Variants in NUP88 observed in about 807,000 individuals in gnomAD.
The protein encoded by NUP88 is nucleoporin 88.
A neutral mutation model predicts 93.9 loss-of-function variants in NUP88; 57 were observed. That is an observed-to-expected ratio of 0.61 (90% CI 0.49 to 0.76). The LOEUF is 0.76. NUP88 is among the 30% of genes least tolerant of loss of function. The probability of loss-of-function intolerance (pLI) is 0.00; values close to 1 mark genes in which losing one functional copy is unlikely to be tolerated. For missense variants in NUP88, 911 were observed against 901.0 expected (o/e 1.01, Z -0.14); for synonymous variants, 346 against 336.8 (o/e 1.03, Z -0.30).
chr17:5,399,897 A>G (rs1255327919), intron 7 of NUP88, among the ~76,000 whole-genome samples: 1 of 152,204 alleles, frequency 6.6e-6, no homozygotes, highest in Non-Finnish European at 1.5e-5. Context: ...AATAAAGCGA[A>G]TACAGAAATA....
intron 7 of NUP88, among the ~76,000 whole-genome samples, chr17:5,403,215 C>T (rs555716075): frequency 9.9e-5 from 15 of 152,096 alleles, no homozygotes; most frequent in East Asian, 3.9e-4. Flanking sequence ...TAGTGGCTCA[C>T]GCCTGGAATC....
At chr17:5,397,132 G>A (rs1233397543) in intron 8 of NUP88, among the ~76,000 whole-genome samples, 1 of 152,064 alleles carries the variant, frequency 6.6e-6, no homozygotes, top group Non-Finnish European at 1.5e-5. Flanking sequence ...TTGAGCCCAC[G>A]AGTTTGAGAC....
At chr17:5,412,077 A>T (rs1913873611) in intron 3 of NUP88, among the ~76,000 whole-genome samples, 1 of 152,240 alleles carries the variant, frequency 6.6e-6, no homozygotes, top group Non-Finnish European at 1.5e-5. Context: ...TTAGGAAAAC[A>T]GAAGTGTTAA....
chr17:5,417,338 A>G (rs1248299558), intron 1 of NUP88, among the ~76,000 whole-genome samples: 1 of 152,176 alleles, frequency 6.6e-6, no homozygotes, highest in Non-Finnish European at 1.5e-5. Context: ...GTGGTGGCAC[A>G]TGCCTGTAGT....
chr17:5,401,347 A>G (rs903147809), intron 7 of NUP88, among the ~76,000 whole-genome samples: 1 of 151,954 alleles, frequency 6.6e-6, no homozygotes, highest in African/African-American at 2.4e-5. Context: ...GTACCACTGC[A>G]CTCCAGCCTG....
chr17:5,402,685 G>C (rs1913243429), intron 7 of NUP88, among the ~76,000 whole-genome samples: 1 of 152,134 alleles, frequency 6.6e-6, no homozygotes, highest in South Asian at 2.1e-4. Flanking sequence ...ATGTTGCAGT[G>C]AATGACACGA....
intron 10 of NUP88, among the ~76,000 whole-genome samples, chr17:5,389,959 A>T (rs1160523276): frequency 6.6e-6 from 1 of 151,856 alleles, no homozygotes; most frequent in African/African-American, 2.4e-5. Context: ...TGAGGTCAGG[A>T]GTTCAGGACC....
intron 1 of NUP88, among the ~76,000 whole-genome samples, 182 bp from the exon 2 acceptor site, chr17:5,416,864 C>T (rs1384403039): frequency 4.1e-5 from 6 of 144,898 alleles, no homozygotes; most frequent in Non-Finnish European, 6.0e-5. Flanking sequence ...CAGAGTCTTG[C>T]TGTCACCCAG....
Position 5,419,662 on chromosome 17 carries a change from T to G in NUP88, c.-12A>C. 6.4e-7 allele frequency: 1 copy of G among 1,573,634 alleles called. No individual in the cohort carries two copies. The highest frequency in any genetic ancestry group is 8.6e-7 in the Non-Finnish European group (1 of 1,159,956). On this transcript the variant is annotated 5_prime_UTR_variant, in exon 1 of 17. Coordinates refer to ENST00000573584, the MANE Select transcript of NUP88 (RefSeq NM_002532.6). Reference sequence around the variant, plus strand: ...TCGGCGGCCGCCATCTTGGCCCAACTGCTCCCCTCACTCCAGTTGCTCAGC... The same window carrying G: ...TCGGCGGCCGCCATCTTGGCCCAACGGCTCCCCTCACTCCAGTTGCTCAGC...
intron 5 of NUP88, among the ~76,000 whole-genome samples, chr17:5,406,126 T>C (rs559584475): frequency 4.6e-5 from 7 of 152,272 alleles, no homozygotes; most frequent in African/African-American, 1.7e-4. Context: ...AGAATTACTA[T>C]ACCATGTGAT....
chr17:5,391,402 A>G, intron 10 of NUP88, 159 bp downstream of exon 10: 1 of 606,150 alleles, frequency 1.6e-6, no homozygotes, highest in Non-Finnish European at 3.0e-6. Context: ...TATAGAGATG[A>G]TGGCAGGAAC....
At chr17:5,403,972 T>C in intron 7 of NUP88, 127 bp downstream of exon 7, 1 of 958,768 alleles carries the variant, frequency 1.0e-6, no homozygotes, top group Non-Finnish European at 1.5e-6. Context: ...ACTAAAAAGC[T>C]AAAAAAAACC....
At position 5,414,043 on chromosome 17, in the gene NUP88, G is replaced by T; in HGVS notation, c.559C>A (p.His187Asn). Reference protein sequence around the residue: ...AWYPSEILDPHVVLLTSDNVI... With the variant: ...AWYPSEILDPNVVLLTSDNVI... The stretch of plus-strand genomic sequence containing the variant: ...TTGTCTGATGTTAACAGCACTACGT[G>T]GGGATCCAGGATTTCACTTGGATAC... The change falls in exon 3 of 17, where the codon CAC becomes AAC. Residue 187 changes from histidine to asparagine, a missense_variant. By Grantham distance (68) the His-to-Asn change is moderately conservative (BLOSUM62 1). Transcript: ENST00000573584. 5 of 1,613,670 alleles carry T rather than the reference G, an allele frequency of 3.1e-6. No homozygotes were observed. The highest frequency in any genetic ancestry group is 4.2e-6 in the Non-Finnish European group (5 of 1,179,654).
intron 5 of NUP88, among the ~76,000 whole-genome samples, chr17:5,407,611 T>C (rs1461872609): frequency 6.6e-6 from 1 of 152,246 alleles, no homozygotes; most frequent in Non-Finnish European, 1.5e-5. Context: ...CATACCTCTA[T>C]TTTAATTCTT....
chr17:5,404,167 A>C lies in NUP88; in HGVS notation c.1124T>G (p.Leu375Trp). 6.2e-7 allele frequency: 1 copy of C among 1,614,198 alleles called. No homozygotes were observed. The highest frequency in any genetic ancestry group is 8.5e-7 in the Non-Finnish European group (1 of 1,180,004). Residue 375 changes from leucine (L) to tryptophan (W), a missense_variant, in exon 7 of 17, where the codon TTG becomes TGG. Transcript: ENST00000573584. ...GTCATCCTCTCCAGATGCCAGTTTCAAAGCAAGCTCCAACTCAACACATTC... is the reference window on the plus strand; with the variant it reads ...GTCATCCTCTCCAGATGCCAGTTTCCAAGCAAGCTCCAACTCAACACATTC... ...VFECVELELALKLASGEDDPF... is the reference protein window; with the variant it reads ...VFECVELELAWKLASGEDDPF...
At chr17:5,394,670 C>A (rs767198394) in intron 9 of NUP88, among the ~76,000 whole-genome samples, 1 of 151,596 alleles carries the variant, frequency 6.6e-6, no homozygotes, top group Non-Finnish European at 1.5e-5. Flanking sequence ...GGGGCTGGGG[C>A]TGGGGAAGGA....
chr17:5,395,937 C>T (rs917419411), intron 8 of NUP88, among the ~76,000 whole-genome samples: 2 of 152,110 alleles, frequency 1.3e-5, no homozygotes, highest in African/African-American at 4.8e-5. Context: ...TGGCAGGGTG[C>T]GGTGGCTCAT....
intron 5 of NUP88, among the ~76,000 whole-genome samples, chr17:5,406,145 C>CTCTG (rs1185838358): frequency 2.0e-5 from 3 of 151,756 alleles, no homozygotes; most frequent in African/African-American, 7.3e-5. Flanking sequence ...ATAAGTGCAA[C>CTCTG]AACAGAAGGA....
chr17:5,386,797 T>A lies in NUP88; in HGVS notation c.2073A>T (p.Gln691His). The A allele has an allele frequency of 6.2e-7, 1 of 1,613,940 alleles. No homozygotes were observed. Among genetic ancestry groups the A allele is most frequent in the South Asian group, 1.1e-5 (1 of 91,084 alleles). Residue 691 changes from glutamine to histidine, a missense_variant, in exon 16 of 17, where the codon CAA (glutamine) becomes CAT (histidine). Coordinates refer to ENST00000573584, the MANE Select transcript of NUP88 (RefSeq NM_002532.6). Reference protein sequence around the residue: ...QVTMKKDYQQQKMEKVLSLPK... With the variant: ...QVTMKKDYQQHKMEKVLSLPK... ...GAAGACTCAACACCTTCTCCATCTT[T>A]TGCTGTTGATAATCCTTTTTCATAG...
Sources: gnomAD v4.1 joint callset for allele counts (sites outside exome capture counted in the v4.1 genomes callset) on GRCh38, gnomAD v4.1.1 for gene constraint, MANE v1.5 for transcripts, NCBI Gene and HGNC (gene_info 2026-07-23, HGNC 2026-07-21) for gene names.